The following NLGN1 variants were observed in gnomAD, a reference collection of about 807,000 sequenced individuals.
NLGN1 encodes neuroligin-1.
A neutral mutation model predicts 65.5 loss-of-function variants in NLGN1; 12 were observed. That is an observed-to-expected ratio of 0.18 (90% confidence interval 0.12 to 0.30). The LOEUF (loss-of-function observed/expected upper bound fraction) is 0.30. NLGN1 is among the 10% of genes least tolerant of loss of function. The pLI, the probability that NLGN1 is intolerant of heterozygous loss-of-function variation, is 1.00. For synonymous variants in NLGN1, 350 were observed against 359.5 expected (o/e 0.97, Z 0.30); for missense variants, 750 against 1,007.1 (o/e 0.74, Z 3.46).
chr3:174,077,618 T>C (rs993693552), intron 4 of NLGN1, among the ~76,000 whole-genome samples: 2 of 152,094 alleles, frequency 1.3e-5, no homozygotes, highest in Admixed American at 1.3e-4. Context: ...TGTAGTGGCA[T>C]GATCTCGACT....
chr3:173,785,550 C>T (rs573845489), intron 3 of NLGN1, among the ~76,000 whole-genome samples: 1 of 151,952 alleles, frequency 6.6e-6, no homozygotes, highest in East Asian at 1.9e-4. Context: ...ATTGTCAGTA[C>T]TAGATAAATT....
chr3:173,719,935 T>A (rs1189257481), intron 3 of NLGN1, among the ~76,000 whole-genome samples: 1 of 151,960 alleles, frequency 6.6e-6, no homozygotes, highest in East Asian at 1.9e-4. Context: ...GACAACACAG[T>A]GGGACCTCGT....
rs376266678 is a variant in NLGN1, at chr3:174,193,259, C to T, written c.647-82056C>T. Among the ~76,000 whole-genome samples the T allele has an allele frequency of 7.9e-5, 12 of 152,266 alleles. 1 individual carries two copies. In the South Asian group the frequency reaches 1.7e-3, roughly 21 times the overall value. On this transcript the variant is annotated intron_variant, in intron 4 of 6. Coordinates refer to ENST00000457714, the Ensembl canonical transcript of NLGN1. ...TATTGAGCAGGATAATAATGCCTTG[C>T]GACTGCTTCCAAATCCCTCTTTCTC...
At chr3:174,281,272 A>T (rs1751493474) in exon 7 of NLGN1, 1 of 1,606,068 alleles carries the variant, frequency 6.2e-7, no homozygotes, top group African/African-American at 1.3e-5. Context: ...CCCCATCCCC[A>T]CCCCCATTCA....
At chr3:173,705,865 T>C (rs1223952315) in intron 3 of NLGN1, among the ~76,000 whole-genome samples, 1 of 152,112 alleles carries the variant, frequency 6.6e-6, no homozygotes, top group Non-Finnish European at 1.5e-5. Context: ...CTTGTGACAG[T>C]CAGTTGTAGC....
chr3:173,873,641 T>C (rs1310640184), intron 4 of NLGN1, among the ~76,000 whole-genome samples: 2 of 152,218 alleles, frequency 1.3e-5, no homozygotes, highest in African/African-American at 4.8e-5. Flanking sequence ...GCATTTTGCA[T>C]ACATTTTTGT....
At chr3:174,039,773 C>T (rs780013045) in intron 4 of NLGN1, among the ~76,000 whole-genome samples, 1 of 152,030 alleles carries the variant, frequency 6.6e-6, no homozygotes, top group Non-Finnish European at 1.5e-5. Flanking sequence ...TGTTTGGAAT[C>T]GTTTGTGTTT....
chr3:173,604,393 A>G lies in NLGN1; in HGVS notation c.-206A>G, dbSNP rs1751038000. The G allele has an allele frequency of 3.1e-6, 2 of 640,624 alleles. No individual in the cohort carries two copies. Among genetic ancestry groups the G allele is most frequent in the Middle Eastern group, 4.0e-4 (1 of 2,504 alleles). The allele number at this position is 640,624 out of a possible 1,614,324, so 39.7% of individuals were successfully genotyped here. A position where few individuals can be genotyped will look rare whatever the true frequency, so the allele number is the denominator to read the frequency against. Reference sequence around the variant, plus strand: ...AGAATGTTCAATAGGATATGGTCTGATAAATAGTGATGATTGAAGATGCTG... The same window carrying G: ...AGAATGTTCAATAGGATATGGTCTGGTAAATAGTGATGATTGAAGATGCTG... On this transcript the variant is annotated 5_prime_UTR_variant, in exon 3 of 7. The change abolishes the stop of an existing upstream ORF in the 5' untranslated region. Coordinates refer to ENST00000457714, the Ensembl canonical transcript of NLGN1.
At chr3:174,247,316 C>T (rs1743985310) in intron 4 of NLGN1, among the ~76,000 whole-genome samples, 1 of 152,188 alleles carries the variant, frequency 6.6e-6, no homozygotes, top group African/African-American at 2.4e-5. Flanking sequence ...GGAAGCTGTA[C>T]AACTAGTCCC....
chr3:173,439,578 T>G (rs1257444345), intron 2 of NLGN1, among the ~76,000 whole-genome samples: 1 of 151,874 alleles, frequency 6.6e-6, no homozygotes, highest in Non-Finnish European at 1.5e-5. Flanking sequence ...TATTGTAGGT[T>G]TTGTTCCACA....
At chr3:174,256,620 T>C (rs1234815717) in intron 4 of NLGN1, among the ~76,000 whole-genome samples, 2 of 152,170 alleles carry the variant, frequency 1.3e-5, no homozygotes, top group Non-Finnish European at 2.9e-5. Flanking sequence ...AGTACTGTTC[T>C]AGATTGTGGT....
At chr3:173,700,015 T>C (rs1766883934) in intron 3 of NLGN1, among the ~76,000 whole-genome samples, 1 of 152,226 alleles carries the variant, frequency 6.6e-6, no homozygotes, top group Non-Finnish European at 1.5e-5. Flanking sequence ...CAGATTTACA[T>C]TCTTCCCATC....
chr3:173,832,967 G>T (rs1310320235), intron 4 of NLGN1, among the ~76,000 whole-genome samples: 1 of 151,888 alleles, frequency 6.6e-6, no homozygotes, highest in Non-Finnish European at 1.5e-5. Flanking sequence ...ATTTCACTAC[G>T]GGATGCAGAG....
chr3:173,878,665 CACAT>C (rs942478719), intron 4 of NLGN1, among the ~76,000 whole-genome samples: 2 of 148,520 alleles, frequency 1.3e-5, no homozygotes, highest in Admixed American at 1.4e-4. Context: ...TATATATATA[CACAT>C]ACATATATAA....
chr3:173,460,349 T>TA (rs546204889), intron 2 of NLGN1, among the ~76,000 whole-genome samples: 1 of 152,144 alleles, frequency 6.6e-6, no homozygotes, highest in South Asian at 2.1e-4. Context: ...TCAGGAGACT[T>TA]ACGGCTTAGT....
intron 3 of NLGN1, among the ~76,000 whole-genome samples, chr3:173,728,220 C>G (rs1289652197): frequency 6.6e-6 from 1 of 151,988 alleles, no homozygotes; most frequent in African/African-American, 2.4e-5. Context: ...AATGACTAGA[C>G]TTAGTGACAA....
At chr3:174,153,565 T>C (rs1216940256) in intron 4 of NLGN1, among the ~76,000 whole-genome samples, 1 of 152,196 alleles carries the variant, frequency 6.6e-6, no homozygotes, top group Non-Finnish European at 1.5e-5. Context: ...TTCATGATTT[T>C]AAAACAGGAA....
At chr3:173,863,402 A>G (rs1729528453) in intron 4 of NLGN1, among the ~76,000 whole-genome samples, 1 of 152,190 alleles carries the variant, frequency 6.6e-6, no homozygotes, top group South Asian at 2.1e-4. Flanking sequence ...AGCAGCAGAA[A>G]TCTTTGCTTA....
At chr3:173,690,060 A>G (rs1030912627) in intron 3 of NLGN1, among the ~76,000 whole-genome samples, 4 of 152,156 alleles carry the variant, frequency 2.6e-5, no homozygotes, top group Middle Eastern at 3.2e-3. Flanking sequence ...GAGACTTAGA[A>G]TTTTCCGAAT....
Sources: allele counts gnomAD v4.1 joint callset (sites outside exome capture counted in the v4.1 genomes callset), GRCh38; gene constraint gnomAD v4.1.1; transcripts MANE v1.5; gene names NCBI Gene and HGNC (gene_info 2026-07-23, HGNC 2026-07-21).